The following AIG1 variants were observed in gnomAD, a reference collection of about 807,000 sequenced individuals.
AIG1 encodes androgen-induced gene 1 protein.
In AIG1, 23 loss-of-function variants were observed where a neutral mutation model predicts 31.4. That is an observed-to-expected ratio of 0.73 (90% CI 0.53 to 1.04). AIG1 has a LOEUF of 1.04. Ranked by LOEUF, AIG1 falls within the 50% of genes least tolerant of loss-of-function variation. AIG1 has a pLI of 0.00. For missense variants in AIG1, 274 were observed against 295.0 expected, an observed-to-expected ratio of 0.93 and a Z score of 0.52; for synonymous variants, 100 against 110.5, an observed-to-expected ratio of 0.90 and a Z score of 0.60.
chr6:143,134,254 C>A (rs972731874), intron 1 of AIG1, among the ~76,000 whole-genome samples: 12 of 151,954 alleles, frequency 7.9e-5, no homozygotes, highest in Non-Finnish European at 1.8e-4. Flanking sequence ...TCTTATCCTT[C>A]TCTCTCTAGA....
intron 2 of AIG1, among the ~76,000 whole-genome samples, chr6:143,157,451 CT>C (rs5880557): frequency 0.39 from 52,422 of 134,142 alleles, 10,618 homozygotes; most frequent in African/African-American, 0.62. Context: ...TTTTTTTTTC[CT>C]TTTTTTTTTT....
intron 1 of AIG1, among the ~76,000 whole-genome samples, chr6:143,108,112 A>G (rs1244703648): frequency 6.6e-6 from 1 of 151,838 alleles, no homozygotes; most frequent in African/African-American, 2.4e-5. Flanking sequence ...GTTTTAGAAT[A>G]TAGGCAAGGT....
intron 4 of AIG1, among the ~76,000 whole-genome samples, chr6:143,312,343 G>T (rs1396538519): frequency 6.6e-6 from 1 of 152,016 alleles, no homozygotes; most frequent in Non-Finnish European, 1.5e-5. Context: ...AAACAGCATA[G>T]TACTGGCATA....
In AIG1 at chr6:143,280,919, TTTA is replaced by T. The variant is rs1161169093; in HGVS notation, c.400-3182_400-3180del. On this transcript the variant is annotated intron_variant, in intron 3 of 5. Coordinates refer to ENST00000357847, the MANE Select transcript of AIG1 (RefSeq NM_016108.4). The surrounding 1 kb of genome is among the most constrained non-coding windows in gnomAD (Gnocchi z 4.1). ...GACTTTATGCTAGCTAATGTTATTGTTTATTATTATTGATTGGATAATATATCA... is the reference window on the plus strand; with the variant it reads ...GACTTTATGCTAGCTAATGTTATTGTTTATTATTGATTGGATAATATATCA... Among the ~76,000 whole-genome samples the T allele has an allele frequency of 6.6e-6, 1 of 152,240 alleles. No homozygotes were observed. Among genetic ancestry groups the T allele is most frequent in the Non-Finnish European group, 1.5e-5 (1 of 68,036 alleles).
intron 2 of AIG1, among the ~76,000 whole-genome samples, chr6:143,160,370 G>C (rs1463557066): frequency 6.6e-6 from 1 of 152,190 alleles, no homozygotes; most frequent in Non-Finnish European, 1.5e-5. Context: ...CTTTCAAAAA[G>C]AGGCAAACTG....
At chr6:143,231,185 G>C (rs1391514426) in intron 3 of AIG1, among the ~76,000 whole-genome samples, 1 of 152,184 alleles carries the variant, frequency 6.6e-6, no homozygotes, top group Non-Finnish European at 1.5e-5. Flanking sequence ...TGCATAGCAA[G>C]TGTTCATTAC....
intron 3 of AIG1, among the ~76,000 whole-genome samples, chr6:143,199,816 T>A (rs1583488085): frequency 6.6e-6 from 1 of 152,162 alleles, no homozygotes; most frequent in Admixed American, 6.5e-5. Context: ...ATAAATCTAA[T>A]TTAAGAGAAG....
chr6:143,170,651 A>T, intron 3 of AIG1, among the ~76,000 whole-genome samples: 2 of 145,554 alleles, frequency 1.4e-5, no homozygotes, highest in African/African-American at 2.5e-5. Context: ...TCTGGTATTT[A>T]TTATTTCTTT....
At position 143,077,474 on chromosome 6, in the gene AIG1, G is replaced by C. The variant is rs146464682; in HGVS notation, c.141+16408G>C. On this transcript the variant is annotated intron_variant, in intron 1 of 5. Transcript: ENST00000357847. ...ATATTTTTGCTGGATATAAAGTTCT[G>C]GTTAGCAGTTCTTTTCTTTCATCAC... is the stretch of plus-strand genomic sequence containing the variant. Among the ~76,000 whole-genome samples the C allele has an allele frequency of 6.6e-5, 10 of 152,228 alleles. No individual in the cohort carries two copies. The East Asian group carries it at 1.9e-3, about 29-fold the overall frequency.
upstream of AIG1, chr6:143,060,582 C>T (rs1776127232): frequency 2.5e-6 from 1 of 398,766 alleles, no homozygotes; most frequent in African/African-American, 2.2e-5. Context: ...GCATCCACAC[C>T]TGGGATGCCT....
chr6:143,068,394 G>T (rs987235903), intron 1 of AIG1, among the ~76,000 whole-genome samples: 8 of 152,206 alleles, frequency 5.3e-5, no homozygotes, highest in Admixed American at 1.3e-4. Context: ...GACAGTTAAA[G>T]GGCCCATGCC....
At chr6:143,302,115 A>G (rs915613362) in intron 4 of AIG1, among the ~76,000 whole-genome samples, 4 of 152,168 alleles carry the variant, frequency 2.6e-5, no homozygotes, top group Non-Finnish European at 5.9e-5. Context: ...CAGTAATAAA[A>G]GTACAATATA....
At chr6:143,228,580 G>T (rs1793197795) in intron 3 of AIG1, among the ~76,000 whole-genome samples, 1 of 152,200 alleles carries the variant, frequency 6.6e-6, no homozygotes. Flanking sequence ...GAGAACAGCT[G>T]AGGAGCAGGA....
At chr6:143,267,717 T>C (rs1303073021) in intron 3 of AIG1, among the ~76,000 whole-genome samples, 3 of 152,178 alleles carry the variant, frequency 2.0e-5, no homozygotes, top group Non-Finnish European at 2.9e-5. Context: ...GGGAGATACA[T>C]TGGCTGGAGC....
chr6:143,232,334 A>G (rs1044215744), intron 3 of AIG1, among the ~76,000 whole-genome samples: 4 of 152,164 alleles, frequency 2.6e-5, no homozygotes, highest in African/African-American at 9.7e-5. Flanking sequence ...AGGTGTTAAG[A>G]CAGAAAGTCT....
At chr6:143,066,284 GT>G (rs146887376) in intron 1 of AIG1, among the ~76,000 whole-genome samples, 3 of 148,132 alleles carry the variant, frequency 2.0e-5, no homozygotes, top group Non-Finnish European at 1.5e-5. Flanking sequence ...TATTTTCTTT[GT>G]TTTTTTTTTG....
chr6:143,338,092 C>G lies in AIG1; in HGVS notation c.680-1547C>G. The stretch of plus-strand genomic sequence containing the variant: ...CACTGCTGCCAAGTCAACCCATCTG[C>G]AGGAGAACGCTTTGGAAAAAACAGA... On this transcript the variant is annotated intron_variant, in intron 5 of 5. Coordinates refer to ENST00000357847, the MANE Select transcript of AIG1 (RefSeq NM_016108.4). This position sits in a 1 kb window ranked among gnomAD's most constrained non-coding sequence, Gnocchi z 4.3. The G allele has an allele frequency of 2.5e-6, 1 of 398,710 alleles. No homozygotes were observed. Among genetic ancestry groups the G allele is most frequent in the Non-Finnish European group, 4.4e-6 (1 of 226,148 alleles). 24.7% of individuals were successfully genotyped at this position (398,710 alleles called of 1,614,324 possible). A position where few individuals can be genotyped will look rare whatever the true frequency, so the allele number is the denominator to read the frequency against.
In AIG1 at chr6:143,060,947, G is replaced by A; in HGVS notation, c.22G>A (p.Val8Met). The change falls in exon 1 of 6, where the codon GTG becomes ATG. Residue 8 changes from valine (V) to methionine (M), a missense_variant. Physicochemically the swap from Val to Met is conservative, Grantham distance 21. Transcript: ENST00000357847. ...GAACATGGCGCTTGTCCCCTGCCAG[G>A]TGCTGCGGATGGCAATCCTGCTGTC... The part of the protein sequence containing the change: MALVPCQ[V>M]LRMAILLSYC... 6.2e-7 allele frequency: 1 copy of A among 1,611,828 alleles called. No homozygotes were observed. The highest frequency in any genetic ancestry group is 1.1e-5 in the South Asian group (1 of 91,048).
At chr6:143,136,814 C>G (rs749659448) in intron 1 of AIG1, 21 bp from the exon 2 acceptor site, 3 of 1,352,586 alleles carry the variant, frequency 2.2e-6, no homozygotes, top group Non-Finnish European at 2.9e-6. Context: ...ATGACTCATA[C>G]CGGCTGTTGT....
Sources: gnomAD v4.1 joint callset for allele counts (sites outside exome capture counted in the v4.1 genomes callset) on GRCh38, gnomAD v4.1.1 for gene constraint, Gnocchi (gnomAD v3.1) non-coding constraint, MANE v1.5 for transcripts, NCBI Gene and HGNC (gene_info 2026-07-23, HGNC 2026-07-21) for gene names.